Variants in GPC5 observed in about 807,000 individuals in gnomAD.
GPC5 encodes the protein glypican 5.
A neutral mutation model predicts 53.9 loss-of-function variants in GPC5; 47 were observed. The ratio of observed to expected loss-of-function variants is 0.87; its 90% confidence interval spans 0.69 to 1.11. The LOEUF is 1.11. GPC5 is among the 50% of genes most tolerant of loss of function. GPC5 has a pLI of 0.00. For missense variants in GPC5, 748 were observed against 713.1 expected, an observed-to-expected ratio of 1.05 and a Z score of -0.56; for synonymous variants, 286 against 263.3, an observed-to-expected ratio of 1.09 and a Z score of -0.84.
intron 7 of GPC5, among the ~76,000 whole-genome samples, chr13:92,650,474 A>G (rs1459743446): frequency 2.0e-5 from 3 of 152,100 alleles, no homozygotes; most frequent in Non-Finnish European, 4.4e-5. Flanking sequence ...TTTTAGCTCA[A>G]ATTTAATATT....
At position 92,824,135 on chromosome 13, in the gene GPC5, G is replaced by C. The variant is rs148727029; in HGVS notation, c.1562-42147G>C. On this transcript the variant is annotated intron_variant, in intron 7 of 7. Transcript: ENST00000377067. ...AATCCTACATTCTAAAACTTCATTT[G>C]CTTCCTGAAAACTCTGTTGAGGATG... Among the ~76,000 whole-genome samples the C allele has an allele frequency of 1.0e-3, 159 of 152,008 alleles. 1 individual carries two copies. Among genetic ancestry groups the C allele is most frequent in the African/African-American group, 3.8e-3 (157 of 41,464 alleles).
At chr13:92,527,274 A>T (rs569855830) in intron 7 of GPC5, among the ~76,000 whole-genome samples, 17 of 149,466 alleles carry the variant, frequency 1.1e-4, no homozygotes, top group East Asian at 9.9e-4. Flanking sequence ...AAAGAAAGAA[A>T]GAAAGAAAAA....
At chr13:92,711,724 C>T (rs1594444029) in intron 7 of GPC5, among the ~76,000 whole-genome samples, 1 of 152,052 alleles carries the variant, frequency 6.6e-6, no homozygotes, top group Admixed American at 6.6e-5. Flanking sequence ...TAATTAAAAT[C>T]ATATGGAACA....
chr13:91,451,228 A>G (rs1289371661), intron 2 of GPC5, among the ~76,000 whole-genome samples: 1 of 152,212 alleles, frequency 6.6e-6, no homozygotes, highest in East Asian at 1.9e-4. Flanking sequence ...GTTTTCAAAT[A>G]GTTCATTTAT....
chr13:91,845,884 G>A (rs979327977), intron 5 of GPC5, among the ~76,000 whole-genome samples: 3 of 152,086 alleles, frequency 2.0e-5, no homozygotes, highest in African/African-American at 7.2e-5. Flanking sequence ...AATTACCTAA[G>A]CTTTTGTTTT....
chr13:92,534,624 TCA>T (rs1881665921), intron 7 of GPC5, among the ~76,000 whole-genome samples: 2 of 152,154 alleles, frequency 1.3e-5, no homozygotes, highest in Admixed American at 6.5e-5. Context: ...AAATATTAAT[TCA>T]AGTAGCTTTT....
intron 7 of GPC5, among the ~76,000 whole-genome samples, chr13:92,331,462 A>G (rs932033347): frequency 2.0e-5 from 3 of 152,148 alleles, no homozygotes; most frequent in Non-Finnish European, 4.4e-5. Flanking sequence ...AAAAATAAAT[A>G]GTTTTCTCAG....
intron 6 of GPC5, among the ~76,000 whole-genome samples, chr13:91,944,254 C>T (rs999490742): frequency 6.6e-6 from 1 of 152,026 alleles, no homozygotes; most frequent in African/African-American, 2.4e-5. Flanking sequence ...TGCCACCACG[C>T]CCAGCTAATT....
chr13:92,565,235 C>G (rs1225727303), intron 7 of GPC5, among the ~76,000 whole-genome samples: 3 of 151,948 alleles, frequency 2.0e-5, no homozygotes, highest in Non-Finnish European at 4.4e-5. Context: ...ATAAGTTTTC[C>G]AAAATGGGTT....
chr13:92,164,802 C>A (rs2042015472), intron 7 of GPC5, among the ~76,000 whole-genome samples: 1 of 152,230 alleles, frequency 6.6e-6, no homozygotes, highest in Admixed American at 6.5e-5. Flanking sequence ...GCCCCTGCAG[C>A]ACCTCTGCCT....
intron 7 of GPC5, among the ~76,000 whole-genome samples, chr13:92,549,435 C>T (rs951454297): frequency 2.6e-5 from 4 of 152,038 alleles, no homozygotes; most frequent in Admixed American, 2.6e-4. Context: ...AAATTGGGGC[C>T]TACCTCTTTG....
intron 5 of GPC5, among the ~76,000 whole-genome samples, chr13:91,795,639 T>C (rs1052160404): frequency 6.6e-6 from 1 of 152,184 alleles, no homozygotes; most frequent in African/African-American, 2.4e-5. Flanking sequence ...GATGCTTACT[T>C]ACACCTTTAT....
In GPC5 at chr13:91,435,948, C is replaced by T. The variant is rs564613406; in HGVS notation, c.164-12813C>T. ...TATGTGTCGAGGAATTTATCCATTTCTTCTAGATTTTCTAGTTTATTTGCG... is the reference window on the plus strand; with the variant it reads ...TATGTGTCGAGGAATTTATCCATTTTTTCTAGATTTTCTAGTTTATTTGCG... On this transcript the variant is annotated intron_variant, in intron 1 of 7. Transcript: ENST00000377067. Among the ~76,000 whole-genome samples, 8 of 152,312 alleles carry T rather than the reference C, an allele frequency of 5.3e-5. No homozygotes were observed. The South Asian group carries it at 6.2e-4, about 12-fold the overall frequency.
intron 7 of GPC5, among the ~76,000 whole-genome samples, chr13:92,792,753 G>C (rs1876510719): frequency 6.6e-6 from 1 of 152,076 alleles, no homozygotes. Context: ...TGTTAAAACA[G>C]ACTTTAAACC....
At chr13:91,420,396 T>G (rs1461617560) in intron 1 of GPC5, among the ~76,000 whole-genome samples, 1 of 152,212 alleles carries the variant, frequency 6.6e-6, no homozygotes, top group African/African-American at 2.4e-5. Context: ...TCTGTACCCT[T>G]GCTTTTCAAA....
At chr13:91,830,141 CA>C (rs1566290876) in intron 5 of GPC5, among the ~76,000 whole-genome samples, 1 of 152,006 alleles carries the variant, frequency 6.6e-6, no homozygotes, top group East Asian at 1.9e-4. Context: ...CAGCCACGCC[CA>C]GGGGGGCCGT....
intron 6 of GPC5, among the ~76,000 whole-genome samples, chr13:91,984,529 G>A (rs534429508): frequency 3.9e-5 from 6 of 152,306 alleles, no homozygotes; most frequent in Admixed American, 1.3e-4. Flanking sequence ...TGGACAACCC[G>A]TATGTGTAAC....
At chr13:92,136,067 G>A (rs1163385190) in intron 6 of GPC5, among the ~76,000 whole-genome samples, 1 of 152,142 alleles carries the variant, frequency 6.6e-6, no homozygotes, top group Non-Finnish European at 1.5e-5. Context: ...GTGGCGTGTA[G>A]ATGGAAACAT....
chr13:91,675,354 T>G (rs8000493), intron 2 of GPC5, among the ~76,000 whole-genome samples: 2,233 of 152,292 alleles, frequency 0.015, 53 homozygotes, highest in African/African-American at 0.05. Flanking sequence ...ACTAAATATG[T>G]GCTGATAGGT....
Sources: gnomAD v4.1 joint callset for allele counts (sites outside exome capture counted in the v4.1 genomes callset) on GRCh38, gnomAD v4.1.1 for gene constraint, MANE v1.5 for transcripts, NCBI Gene and HGNC (gene_info 2026-07-23, HGNC 2026-07-21) for gene names.